The following TUSC3 variants were observed in gnomAD, a reference collection of about 807,000 sequenced individuals.
TUSC3 encodes the protein dolichyl-diphosphooligosaccharide--protein glycosyltransferase subunit TUSC3.
In TUSC3, 45 loss-of-function variants were observed where a neutral mutation model predicts 44.8. The observed-to-expected ratio is 1.00, with a 90% CI of 0.79 to 1.29. The LOEUF is 1.29. Ranked by LOEUF, TUSC3 falls within the 50% of genes most tolerant of loss-of-function variation. The pLI is 0.00. For synonymous variants in TUSC3, 212 were observed against 152.9 expected (o/e 1.39, Z -2.85); for missense variants, 519 against 437.9 (o/e 1.19, Z -1.65).
chr8:15,509,618 AT>A (rs780285087), intron 2 of TUSC3, among the ~76,000 whole-genome samples: 2 of 152,158 alleles, frequency 1.3e-5, no homozygotes, highest in Admixed American at 6.5e-5. Flanking sequence ...AAAAAAAAAA[AT>A]CATAATAAAA....
chr8:15,784,292 C>T, the TUSC3 span, among the ~76,000 whole-genome samples: 2 of 151,992 alleles, frequency 1.3e-5, no homozygotes, highest in African/African-American at 4.8e-5. Flanking sequence ...TGTGAAGGTT[C>T]CTCAAAACAC....
chr8:15,789,502 A>G, the TUSC3 span, among the ~76,000 whole-genome samples: 5 of 152,344 alleles, frequency 3.3e-5, no homozygotes, highest in South Asian at 1.0e-3. Context: ...CAGATGCCTA[A>G]TTAAGGCCAT....
At chr8:15,446,006 C>G (rs976007696) in intron 1 of TUSC3, among the ~76,000 whole-genome samples, 2 of 151,456 alleles carry the variant, frequency 1.3e-5, no homozygotes, top group African/African-American at 4.9e-5. Context: ...CCTCACTTCC[C>G]AGACGGGCCG....
At chr8:15,845,939 C>T in the TUSC3 span, among the ~76,000 whole-genome samples, 2 of 152,038 alleles carry the variant, frequency 1.3e-5, no homozygotes, top group Admixed American at 6.6e-5. Flanking sequence ...GCTGGGGAGG[C>T]CTCAGAATCA....
chr8:15,554,432 G>C (rs368807840), intron 1 of TUSC3, among the ~76,000 whole-genome samples: 4 of 151,348 alleles, frequency 2.6e-5, no homozygotes, highest in Non-Finnish European at 5.9e-5. Context: ...TGCTTTATCA[G>C]CCAGGGTCTC....
chr8:15,735,223 C>T (rs1301378187), intron 7 of TUSC3, among the ~76,000 whole-genome samples: 1 of 151,946 alleles, frequency 6.6e-6, no homozygotes, highest in East Asian at 1.9e-4. Context: ...GGCAATGGTT[C>T]ATCCTCCAGC....
intron 1 of TUSC3, among the ~76,000 whole-genome samples, chr8:15,450,903 C>G (rs1474204906): frequency 1.3e-5 from 2 of 152,118 alleles, no homozygotes; most frequent in Non-Finnish European, 2.9e-5. Context: ...ATGCCTGAAA[C>G]ATGCCGCTGC....
the TUSC3 span, chr8:15,806,631 C>T: frequency 7.3e-7 from 1 of 1,377,352 alleles, no homozygotes; most frequent in Non-Finnish European, 1.0e-6. Context: ...CTTTCAGTGT[C>T]ATGGACTTCA....
chr8:15,658,067 C>G (rs1807254482), intron 3 of TUSC3, among the ~76,000 whole-genome samples: 1 of 152,108 alleles, frequency 6.6e-6, no homozygotes, highest in Admixed American at 6.5e-5. Flanking sequence ...GCTTCCACGT[C>G]TTAATATTGC....
chr8:15,781,622 C>A, the TUSC3 span, among the ~76,000 whole-genome samples: 1 of 152,032 alleles, frequency 6.6e-6, no homozygotes, highest in African/African-American at 2.4e-5. Flanking sequence ...TCAGAATAGA[C>A]CAATAATGAG....
chr8:15,827,512 AT>A, the TUSC3 span, among the ~76,000 whole-genome samples: 3 of 152,152 alleles, frequency 2.0e-5, no homozygotes, highest in South Asian at 6.2e-4. Context: ...ATGAAACCTT[AT>A]GGTTAGCTTA....
intron 1 of TUSC3, among the ~76,000 whole-genome samples, chr8:15,441,445 C>T (rs1800019668): frequency 6.6e-6 from 1 of 152,080 alleles, no homozygotes; most frequent in South Asian, 2.1e-4. Context: ...CATTATATTC[C>T]TATAAAAATA....
chr8:15,756,789 T>G (rs1354570411), intron 9 of TUSC3, among the ~76,000 whole-genome samples: 1 of 152,168 alleles, frequency 6.6e-6, no homozygotes, highest in Non-Finnish European at 1.5e-5. Flanking sequence ...TGTCAGGTTG[T>G]TCTTCATAGT....
chr8:15,456,748 G>T lies in TUSC3; in HGVS notation n.92-26638G>T, dbSNP rs1025713843. Among the ~76,000 whole-genome samples the T allele has an allele frequency of 1.4e-4, 22 of 152,080 alleles. 1 individual carries two copies. Among genetic ancestry groups the T allele is most frequent in the African/African-American group, 5.1e-4 (21 of 41,518 alleles). The stretch of plus-strand genomic sequence containing the variant: ...ACCACATTAAAAATAATTTTGGATG[G>T]ATTAGATTAAGACAAATTCAAACAG... On this transcript the variant is annotated intron_variant and non_coding_transcript_variant, in intron 1 of 5. Coordinates refer to the TUSC3 transcript ENST00000503191.
chr8:15,542,362 G>T (rs1801721004), intron 1 of TUSC3, among the ~76,000 whole-genome samples: 1 of 152,098 alleles, frequency 6.6e-6, no homozygotes, highest in Admixed American at 6.6e-5. Flanking sequence ...CCTAAGGTCT[G>T]TGTTGATGTT....
the TUSC3 span, among the ~76,000 whole-genome samples, chr8:15,791,272 C>T: frequency 7.5e-6 from 1 of 132,584 alleles, no homozygotes; most frequent in Non-Finnish European, 1.7e-5. Context: ...TCTTAGCGCC[C>T]CCCCCAACCC....
intron 6 of TUSC3, among the ~76,000 whole-genome samples, chr8:15,677,337 G>A (rs770636103): frequency 1.1e-4 from 17 of 152,166 alleles, no homozygotes; most frequent in Admixed American, 7.9e-4. Flanking sequence ...TAGTAAATAT[G>A]ATTTAATCTG....
intron 2 of TUSC3, among the ~76,000 whole-genome samples, chr8:15,645,160 G>A (rs186757169): frequency 1.3e-5 from 2 of 152,048 alleles, no homozygotes; most frequent in African/African-American, 4.8e-5. Context: ...GTGAGATACA[G>A]CATTCTCAAA....
the TUSC3 span, among the ~76,000 whole-genome samples, chr8:15,803,395 A>G: frequency 6.6e-6 from 1 of 152,216 alleles, no homozygotes; most frequent in Non-Finnish European, 1.5e-5. Flanking sequence ...AACATGCGCT[A>G]TAATTTCTGA....
Sources: gnomAD v4.1 joint callset for allele counts (sites outside exome capture counted in the v4.1 genomes callset) on GRCh38, gnomAD v4.1.1 for gene constraint, MANE v1.5 for transcripts, NCBI Gene and HGNC (gene_info 2026-07-23, HGNC 2026-07-21) for gene names.